Variants in DGKB observed in about 807,000 individuals in gnomAD.
DGKB encodes diacylglycerol kinase beta, also known as 90 kDa diacylglycerol kinase.
In DGKB, 67 loss-of-function variants were observed where a neutral mutation model predicts 114.3. The ratio of observed to expected loss-of-function variants is 0.59; its 90% confidence interval spans 0.48 to 0.72. The LOEUF (loss-of-function observed/expected upper bound fraction) is 0.72. Among genes scored for constraint, DGKB ranks in the 30% least tolerant of loss-of-function variants. DGKB has a pLI of 0.00. For missense variants in DGKB, 907 were observed against 975.2 expected (o/e 0.93, Z 0.93); for synonymous variants, 398 against 323.1 (o/e 1.23, Z -2.49).
chr7:14,407,558 C>T (rs1824147537), intron 21 of DGKB, among the ~76,000 whole-genome samples: 1 of 152,026 alleles, frequency 6.6e-6, no homozygotes, highest in Non-Finnish European at 1.5e-5. Context: ...GAGGCAAAAG[C>T]CTAACCACAC....
chr7:14,751,706 A>G (rs1834149772), intron 4 of DGKB, among the ~76,000 whole-genome samples: 1 of 152,178 alleles, frequency 6.6e-6, no homozygotes, highest in Admixed American at 6.5e-5. Flanking sequence ...ATTACACGTC[A>G]TGTTCCCCAC....
chr7:14,817,008 T>G (rs1844250241), intron 2 of DGKB, among the ~76,000 whole-genome samples: 1 of 152,196 alleles, frequency 6.6e-6, no homozygotes, highest in Non-Finnish European at 1.5e-5. Flanking sequence ...ATCTTTTTAT[T>G]TTCCTACTTT....
chr7:14,546,716 GA>G (rs1242577939), intron 20 of DGKB, among the ~76,000 whole-genome samples: 1 of 152,148 alleles, frequency 6.6e-6, no homozygotes, highest in African/African-American at 2.4e-5. Flanking sequence ...GACCCAGCTA[GA>G]AAAGAATGGA....
At chr7:14,383,111 C>G (rs888401963) in intron 21 of DGKB, among the ~76,000 whole-genome samples, 1 of 152,198 alleles carries the variant, frequency 6.6e-6, no homozygotes, top group Non-Finnish European at 1.5e-5. Context: ...CAAGGTACAA[C>G]TGGAATACTG....
intron 23 of DGKB, among the ~76,000 whole-genome samples, chr7:14,244,142 C>T (rs576593188): frequency 5.5e-4 from 84 of 152,084 alleles, no homozygotes; most frequent in South Asian, 2.1e-3. Flanking sequence ...TTAGGGAAGA[C>T]ATAAAAAGGA....
chr7:14,551,756 T>C (rs546375287), intron 20 of DGKB, among the ~76,000 whole-genome samples: 6 of 152,294 alleles, frequency 3.9e-5, no homozygotes, highest in Admixed American at 6.5e-5. Flanking sequence ...ATTATGCATA[T>C]TCTCAGTTGC....
Sources: gnomAD v4.1 joint callset for allele counts (sites outside exome capture counted in the v4.1 genomes callset) on GRCh38, gnomAD v4.1.1 for gene constraint, MANE v1.5 for transcripts, NCBI Gene and HGNC (gene_info 2026-07-23, HGNC 2026-07-21) for gene names.